Variants in GPR176 observed in about 807,000 individuals in gnomAD.
The protein encoded by GPR176 is G protein-coupled receptor 176, also known as G-protein coupled receptor 176.
Under a neutral mutation model 35.4 loss-of-function variants are expected in GPR176, and 26 were observed. The ratio of observed to expected loss-of-function variants is 0.74; its 90% confidence interval spans 0.54 to 1.02. GPR176 has a LOEUF of 1.02. GPR176 is among the 50% of genes least tolerant of loss of function. GPR176 has a pLI of 0.00. For missense variants in GPR176, 597 were observed against 665.3 expected (o/e 0.90, Z 1.13); for synonymous variants, 278 against 271.3 (o/e 1.02, Z -0.24).
intron 1 of GPR176, among the ~76,000 whole-genome samples, chr15:39,857,839 C>T (rs1275918507): frequency 8.6e-5 from 13 of 151,230 alleles, no homozygotes; most frequent in Admixed American, 6.6e-4. Flanking sequence ...GGCATGGTGG[C>T]GGGCACCTGT....
intron 1 of GPR176, among the ~76,000 whole-genome samples, chr15:39,852,885 T>A (rs182091716): frequency 6.6e-6 from 1 of 152,258 alleles, no homozygotes; most frequent in East Asian, 1.9e-4. Context: ...CCCATTAGGA[T>A]AACTACTATT....
intron 1 of GPR176, among the ~76,000 whole-genome samples, chr15:39,819,706 T>C (rs747587249): frequency 1.3e-5 from 2 of 152,172 alleles, no homozygotes; most frequent in African/African-American, 2.4e-5. Context: ...TGCACTCTAT[T>C]CTACTCCCTC....
intron 1 of GPR176, among the ~76,000 whole-genome samples, chr15:39,894,820 T>C (rs188627673): frequency 9.9e-5 from 15 of 151,938 alleles, no homozygotes; most frequent in Non-Finnish European, 2.2e-4. Context: ...GACGGGGTGG[T>C]GGCCGGGCAG....
At chr15:39,872,192 G>C (rs912787461) in intron 1 of GPR176, among the ~76,000 whole-genome samples, 1 of 152,204 alleles carries the variant, frequency 6.6e-6, no homozygotes, top group African/African-American at 2.4e-5. Flanking sequence ...GTATAATAGA[G>C]AGATAAACAA....
At chr15:39,876,157 C>G (rs376941763) in intron 1 of GPR176, among the ~76,000 whole-genome samples, 8 of 150,870 alleles carry the variant, frequency 5.3e-5, no homozygotes, top group African/African-American at 1.7e-4. Flanking sequence ...AGAGTGAGAC[C>G]CTGACTCAAG....
intron 1 of GPR176, among the ~76,000 whole-genome samples, chr15:39,825,115 G>A (rs572920565): frequency 3.3e-5 from 5 of 152,164 alleles, no homozygotes; most frequent in South Asian, 2.1e-4. Context: ...GCTGAGATAC[G>A]AGGATCACTT....
intron 1 of GPR176, among the ~76,000 whole-genome samples, chr15:39,820,698 T>C (rs995659252): frequency 6.6e-6 from 1 of 152,194 alleles, no homozygotes; most frequent in Admixed American, 6.5e-5. Context: ...TGGAAGTACT[T>C]GTCTGTAATG....
At position 39,869,217 on chromosome 15, in the gene GPR176, T is replaced by C. The variant is rs959411030; in HGVS notation, c.172+50638A>G. 3.3e-5 allele frequency among the ~76,000 whole-genome samples: 5 copies of C among 151,504 alleles called. No homozygotes were observed. In the South Asian group the frequency reaches 6.3e-4, roughly 19 times the overall value. The stretch of plus-strand genomic sequence containing the variant: ...TTTTATTTTGCTATTTTAGGGTCCA[T>C]CATTTTACTTTAAAAAGGACTCTAT... On this transcript the variant is annotated intron_variant, in intron 1 of 2. Coordinates refer to ENST00000561100, the MANE Select transcript of GPR176 (RefSeq NM_007223.3).
chr15:39,819,114 GAA>G (rs796636597), intron 1 of GPR176, among the ~76,000 whole-genome samples: 6 of 152,244 alleles, frequency 3.9e-5, no homozygotes, highest in African/African-American at 1.2e-4. Context: ...AGAAAAGAAG[GAA>G]AAGTTTTACC....
chr15:39,901,979 G>A (rs2033292690), intron 1 of GPR176, among the ~76,000 whole-genome samples: 1 of 152,090 alleles, frequency 6.6e-6, no homozygotes, highest in South Asian at 2.1e-4. Flanking sequence ...AGCTACTTGG[G>A]AAGCTGAGGT....
At chr15:39,873,180 T>A (rs2032112521) in intron 1 of GPR176, among the ~76,000 whole-genome samples, 1 of 152,138 alleles carries the variant, frequency 6.6e-6, no homozygotes, top group Non-Finnish European at 1.5e-5. Context: ...ACAAAGTAGG[T>A]ACTATAACTA....
rs1277238854 is a variant in GPR176 at position 39,807,462 on chromosome 15, T to C, written c.173-204A>G. 10 of 984,834 alleles carry C rather than the reference T, an allele frequency of 1.0e-5. No individual in the cohort carries two copies. The East Asian group carries it at 1.9e-4, about 19-fold the overall frequency. The allele number at this position is 984,834 out of a possible 1,614,324, so 61.0% of individuals were successfully genotyped here. ...AATTATTAAATCACATATCAATAAG[T>C]CTAGAAAAAATTTTAGTGGTGAGTT... On this transcript the variant is annotated intron_variant, in intron 1 of 2. Coordinates refer to ENST00000561100, the MANE Select transcript of GPR176 (RefSeq NM_007223.3).
At chr15:39,858,990 A>T (rs1595486682) in intron 1 of GPR176, among the ~76,000 whole-genome samples, 1 of 152,014 alleles carries the variant, frequency 6.6e-6, no homozygotes, top group Non-Finnish European at 1.5e-5. Flanking sequence ...CAGGTGGTCC[A>T]CCCACCTGGG....
At chr15:39,838,889 A>G (rs1324547510) in intron 1 of GPR176, among the ~76,000 whole-genome samples, 1 of 152,178 alleles carries the variant, frequency 6.6e-6, no homozygotes, top group Admixed American at 6.6e-5. Context: ...GAGGAAGTCA[A>G]ATTGTCCCTG....
intron 1 of GPR176, among the ~76,000 whole-genome samples, chr15:39,919,548 GAA>G (rs1226301223): frequency 6.6e-6 from 1 of 152,344 alleles, no homozygotes; most frequent in East Asian, 1.9e-4. Context: ...AACAAGAGCT[GAA>G]GCCAGCCGGG....
intron 1 of GPR176, among the ~76,000 whole-genome samples, chr15:39,826,368 G>A (rs1900650214): frequency 6.6e-6 from 1 of 152,164 alleles, no homozygotes; most frequent in Non-Finnish European, 1.5e-5. Flanking sequence ...GTCCACTTCT[G>A]GAACAAGGTT....
At chr15:39,877,234 T>C (rs1411052177) in intron 1 of GPR176, among the ~76,000 whole-genome samples, 4 of 152,110 alleles carry the variant, frequency 2.6e-5, no homozygotes, top group Non-Finnish European at 5.9e-5. Context: ...TCAAAGTTAC[T>C]GTTGCCAGAA....
chr15:39,917,416 A>G (rs1244821092), intron 1 of GPR176, among the ~76,000 whole-genome samples: 1 of 149,014 alleles, frequency 6.7e-6, no homozygotes, highest in East Asian at 2.1e-4. Context: ...GCTCACTGCA[A>G]CCTAAGTCTC....
intron 1 of GPR176, among the ~76,000 whole-genome samples, chr15:39,868,366 T>G (rs1451284255): frequency 6.6e-6 from 1 of 152,056 alleles, no homozygotes; most frequent in East Asian, 1.9e-4. Context: ...TAAACCAGCC[T>G]AAAAACAAGC....
Sources: gnomAD v4.1 joint callset for allele counts (sites outside exome capture counted in the v4.1 genomes callset) on GRCh38, gnomAD v4.1.1 for gene constraint, MANE v1.5 for transcripts, NCBI Gene and HGNC (gene_info 2026-07-23, HGNC 2026-07-21) for gene names.